The following SLC39A11 variants were observed in gnomAD, a reference collection of about 807,000 sequenced individuals.
SLC39A11 encodes the protein zinc transporter ZIP11.
SLC39A11 carries 33 observed loss-of-function variants against 36.1 expected under a neutral mutation model. That is an observed-to-expected ratio of 0.91 (90% CI 0.69 to 1.22). SLC39A11 has a LOEUF of 1.22. Among genes scored for constraint, SLC39A11 ranks in the 50% most tolerant of loss-of-function variants. The pLI, the probability that SLC39A11 is intolerant of heterozygous loss-of-function variation, is 0.00. For missense variants in SLC39A11, 432 were observed against 430.3 expected (o/e 1.00, Z -0.03); for synonymous variants, 166 against 170.3 (o/e 0.97, Z 0.20).
At chr17:73,003,334 T>G (rs1312460063) in intron 4 of SLC39A11, among the ~76,000 whole-genome samples, 2 of 152,242 alleles carry the variant, frequency 1.3e-5, no homozygotes, top group African/African-American at 2.4e-5. Context: ...TGTGTGCTAA[T>G]GCTGCAAAGT....
intron 3 of SLC39A11, among the ~76,000 whole-genome samples, chr17:73,057,252 G>A (rs200286064): frequency 3.3e-5 from 5 of 152,156 alleles, no homozygotes; most frequent in African/African-American, 9.7e-5. Flanking sequence ...AGCAGGGGCC[G>A]CTGCACCTGG....
At chr17:72,981,894 A>G (rs967339504) in intron 4 of SLC39A11, among the ~76,000 whole-genome samples, 2 of 152,196 alleles carry the variant, frequency 1.3e-5, no homozygotes, top group East Asian at 3.8e-4. Flanking sequence ...CACTTCACAG[A>G]AAGGGAAATA....
At chr17:72,801,003 A>G (rs979419601) in intron 6 of SLC39A11, among the ~76,000 whole-genome samples, 1 of 152,242 alleles carries the variant, frequency 6.6e-6, no homozygotes, top group African/African-American at 2.4e-5. Flanking sequence ...GATACATGCT[A>G]CAACACAGGT....
chr17:72,813,528 G>C (rs2077493868), intron 6 of SLC39A11, among the ~76,000 whole-genome samples: 1 of 152,146 alleles, frequency 6.6e-6, no homozygotes, highest in Non-Finnish European at 1.5e-5. Flanking sequence ...ATACATTCAT[G>C]GATCAGACCC....
chr17:72,706,150 T>C (rs998290234), intron 7 of SLC39A11, among the ~76,000 whole-genome samples: 31 of 152,168 alleles, frequency 2.0e-4, no homozygotes, highest in African/African-American at 6.8e-4. Context: ...ATGTGGGGTG[T>C]CATCGTGTTT....
At chr17:72,867,620 G>C (rs775107705) in intron 5 of SLC39A11, among the ~76,000 whole-genome samples, 23 of 152,092 alleles carry the variant, frequency 1.5e-4, no homozygotes, top group Non-Finnish European at 2.9e-4. Flanking sequence ...TCAATCCACT[G>C]AAGTACTAAA....
At chr17:72,791,771 T>C (rs2076712671) in intron 6 of SLC39A11, among the ~76,000 whole-genome samples, 1 of 152,162 alleles carries the variant, frequency 6.6e-6, no homozygotes, top group Non-Finnish European at 1.5e-5. Flanking sequence ...CAAGATCTGA[T>C]GGTTTTATAA....
At chr17:72,863,469 T>C (rs958363699) in intron 5 of SLC39A11, among the ~76,000 whole-genome samples, 1 of 151,962 alleles carries the variant, frequency 6.6e-6, no homozygotes, top group African/African-American at 2.4e-5. Flanking sequence ...CCTGTGATGG[T>C]TCTACTCATA....
intron 4 of SLC39A11, among the ~76,000 whole-genome samples, chr17:72,997,892 C>G (rs543176400): frequency 1.1e-4 from 17 of 152,230 alleles, no homozygotes; most frequent in Middle Eastern, 6.8e-3. Context: ...AGTAGTGATG[C>G]TGGGAATTTG....
chr17:72,827,745 G>A (rs1331359857), intron 6 of SLC39A11, among the ~76,000 whole-genome samples: 1 of 152,186 alleles, frequency 6.6e-6, no homozygotes, highest in East Asian at 1.9e-4. Flanking sequence ...GTCTTTAAAT[G>A]CACTGAAGAG....
intron 7 of SLC39A11, among the ~76,000 whole-genome samples, chr17:72,669,881 C>A (rs776009320): frequency 6.7e-6 from 1 of 150,140 alleles, no homozygotes. Flanking sequence ...TACATATACA[C>A]GTATAGATGT....
intron 6 of SLC39A11, among the ~76,000 whole-genome samples, chr17:72,795,266 T>C (rs1197016926): frequency 6.6e-6 from 1 of 152,072 alleles, no homozygotes; most frequent in Non-Finnish European, 1.5e-5. Context: ...TGGGCTGTTG[T>C]CATCAGAAGG....
intron 5 of SLC39A11, among the ~76,000 whole-genome samples, chr17:72,893,377 C>T (rs941105970): frequency 6.6e-6 from 1 of 152,086 alleles, no homozygotes; most frequent in Non-Finnish European, 1.5e-5. Flanking sequence ...AGGAGAATTG[C>T]TTGAAATGGG....
intron 6 of SLC39A11, among the ~76,000 whole-genome samples, chr17:72,811,067 G>T (rs1326689646): frequency 3.6e-5 from 4 of 112,352 alleles, no homozygotes; most frequent in African/African-American, 1.1e-4. Flanking sequence ...TTGAATAAAA[G>T]CAAAAAAAAA....
intron 3 of SLC39A11, among the ~76,000 whole-genome samples, chr17:73,046,188 T>A (rs1464437907): frequency 6.6e-6 from 1 of 152,224 alleles, no homozygotes; most frequent in African/African-American, 2.4e-5. Context: ...TCATGCCTCT[T>A]TTCTTGGCTC....
chr17:72,899,745 T>C (rs910932248), intron 5 of SLC39A11, among the ~76,000 whole-genome samples: 1 of 152,116 alleles, frequency 6.6e-6, no homozygotes, highest in Admixed American at 6.5e-5. Context: ...ACGGATCACT[T>C]GAGGTCACGA....
intron 4 of SLC39A11, among the ~76,000 whole-genome samples, chr17:73,022,595 T>TAAA (rs10675859): frequency 0.015 from 868 of 56,572 alleles, 43 homozygotes; most frequent in Middle Eastern, 0.053. Context: ...AACTCCATCT[T>TAAA]AAAAAAAAAA....
chr17:72,794,994 A>T (rs1290784570), intron 6 of SLC39A11, among the ~76,000 whole-genome samples: 1 of 152,126 alleles, frequency 6.6e-6, no homozygotes, highest in Non-Finnish European at 1.5e-5. Context: ...CCGACTGTGA[A>T]AGAAGATTCT....
At chr17:72,868,745 C>G (rs1424175176) in intron 5 of SLC39A11, among the ~76,000 whole-genome samples, 2 of 151,260 alleles carry the variant, frequency 1.3e-5, no homozygotes, top group African/African-American at 2.4e-5. Context: ...GAAGGCAAGG[C>G]TGCAGTGAGC....
Sources: gnomAD v4.1 joint callset for allele counts (sites outside exome capture counted in the v4.1 genomes callset) on GRCh38, gnomAD v4.1.1 for gene constraint, MANE v1.5 for transcripts, NCBI Gene and HGNC (gene_info 2026-07-23, HGNC 2026-07-21) for gene names.